The following BRIX1 variants were observed in gnomAD, a reference collection of about 807,000 sequenced individuals.
The protein encoded by BRIX1 is biogenesis of ribosomes BRX1.
In BRIX1, 15 loss-of-function variants were observed where a neutral mutation model predicts 44.0. That is an observed-to-expected ratio of 0.34 (90% confidence interval 0.23 to 0.53). BRIX1 has a LOEUF of 0.53. Ranked by LOEUF, BRIX1 falls within the 20% of genes least tolerant of loss-of-function variation. BRIX1 has a pLI of 0.95. For missense variants in BRIX1, 420 were observed against 432.8 expected (o/e 0.97, Z 0.26); for synonymous variants, 149 against 135.4 (o/e 1.10, Z -0.70).
chr5:34,917,451 G>A (rs1764139858), intron 1 of BRIX1, among the ~76,000 whole-genome samples: 2 of 151,626 alleles, frequency 1.3e-5, no homozygotes, highest in African/African-American at 4.9e-5. Flanking sequence ...GGCCAAGATG[G>A]TGAAACCCCG....
Position 34,918,478 on chromosome 5 carries a change from G to C in BRIX1, c.271+3G>C, listed in dbSNP as rs769246713. Reference sequence around the variant, plus strand: ...GTTGATGCCTCATTCTAAAGCAGGTGCCTTTATATCATATACTTTAGAAAT... The same window carrying C: ...GTTGATGCCTCATTCTAAAGCAGGTCCCTTTATATCATATACTTTAGAAAT... On this transcript the variant is annotated splice_donor_region_variant and intron_variant, in intron 2 of 9. Coordinates refer to ENST00000336767, the MANE Select transcript of BRIX1 (RefSeq NM_018321.4). The C allele has an allele frequency of 3.2e-6, 5 of 1,554,924 alleles. No individual in the cohort carries two copies. In the African/African-American group the frequency reaches 6.9e-5, roughly 22 times the overall value.
chr5:34,920,788 T>A (rs746861289), intron 3 of BRIX1: 4 of 152,142 alleles, frequency 2.6e-5, no homozygotes, highest in Admixed American at 6.5e-5. Flanking sequence ...ACAAACTTCC[T>A]ATTTTTGTGT....
At position 34,923,253 on chromosome 5, in the gene BRIX1, T is replaced by C; in HGVS notation, c.663+19T>C. The stretch of plus-strand genomic sequence containing the variant: ...CTTTCAGGTAAGCTTTACTTGATTT[T>C]TAATTATACCTTTTTTTTAATTGAG... On this transcript the variant is annotated intron_variant, in intron 8 of 9. Coordinates refer to ENST00000336767, the MANE Select transcript of BRIX1 (RefSeq NM_018321.4). 2 of 1,489,850 alleles carry C rather than the reference T, an allele frequency of 1.3e-6. No individual in the cohort carries two copies. The highest frequency in any genetic ancestry group is 1.9e-6 in the Non-Finnish European group (2 of 1,068,060). The allele number at this position is 1,489,850 out of a possible 1,614,324, so 92.3% of individuals were successfully genotyped here. A position where few individuals can be genotyped will look rare whatever the true frequency, so the allele number is the denominator to read the frequency against.
chr5:34,918,966 T>C (rs1321638051), intron 2 of BRIX1: 4 of 151,640 alleles, frequency 2.6e-5, no homozygotes, highest in African/African-American at 9.7e-5. Context: ...GCAAGAACAG[T>C]ATGGCCGGGC....
At position 34,925,321 on chromosome 5, in the gene BRIX1, T is replaced by C; in HGVS notation, c.888T>C (p.Thr296=). ...VQKLRKKEPK[T]LLPHDPTADV... ...AACTGAGAAAGAAAGAGCCGAAGACTCTTCTTCCACATGATCCCACTGCAG... is the reference window on the plus strand; with the variant it reads ...AACTGAGAAAGAAAGAGCCGAAGACCCTTCTTCCACATGATCCCACTGCAG... Residue 296 remains threonine (T), a synonymous_variant, in exon 10 of 10, where the codon ACT becomes ACC. Transcript: ENST00000336767. 1 of 1,613,562 alleles carries C rather than the reference T, an allele frequency of 6.2e-7. No individual in the cohort carries two copies. Among genetic ancestry groups the C allele is most frequent in the South Asian group, 1.1e-5 (1 of 91,066 alleles).
Position 34,922,831 on chromosome 5 carries a change from ATATAGT to A in BRIX1, c.510+65_510+70del, listed in dbSNP as rs753381785. On this transcript the variant is annotated intron_variant, in intron 6 of 9. Transcript: ENST00000336767. ...TATCTGGCATGGTTGTTTTTAGTAGATATAGTTGTGTTATTCAATTTAGTTTCACCC... is the reference window on the plus strand; with the variant it reads ...TATCTGGCATGGTTGTTTTTAGTAGATGTGTTATTCAATTTAGTTTCACCC... The A allele has an allele frequency of 2.4e-5, 35 of 1,453,286 alleles. No individual in the cohort carries two copies. The South Asian group carries it at 3.9e-4, about 16-fold the overall frequency. The allele number at this position is 1,453,286 out of a possible 1,614,324, so 90.0% of individuals were successfully genotyped here. A position where few individuals can be genotyped will look rare whatever the true frequency, so the allele number is the denominator to read the frequency against.
intron 8 of BRIX1, 67 bp downstream of exon 8, chr5:34,923,301 CAG>C (rs1181057054): frequency 7.9e-6 from 10 of 1,269,904 alleles, no homozygotes; most frequent in South Asian, 1.2e-5. Context: ...TGTTTTGAGA[CAG>C]AGTCTCGCTC....
intron 3 of BRIX1, 170 bp downstream of exon 3, chr5:34,920,053 T>C: frequency 2.3e-6 from 1 of 440,078 alleles, no homozygotes; most frequent in South Asian, 2.9e-5. Context: ...CACAGTTTAG[T>C]GCTTCATTCA....
intron 1 of BRIX1, chr5:34,916,163 C>T (rs1764080710): frequency 3.0e-6 from 1 of 336,162 alleles, no homozygotes; most frequent in Non-Finnish European, 5.4e-6. Context: ...ATCCAGCGTT[C>T]TTTCTTACTA....
rs537531976 is a variant in BRIX1, at chr5:34,922,778, T to A, written c.510+10T>A. The A allele has an allele frequency of 6.2e-7, 1 of 1,611,394 alleles. No individual in the cohort carries two copies. Among genetic ancestry groups the A allele is most frequent in the Admixed American group, 1.7e-5 (1 of 60,010 alleles). ...TTTGTCTTTTGACCCTGTAAGTTTC[T>A]CATTCAGTGTATGAGGTCTAATTTT... On this transcript the variant is annotated intron_variant, in intron 6 of 9. Transcript: ENST00000336767.
intron 8 of BRIX1, among the ~76,000 whole-genome samples, chr5:34,924,276 A>G (rs190359063): frequency 6.6e-6 from 1 of 152,378 alleles, no homozygotes; most frequent in Admixed American, 6.5e-5. Context: ...TCTTTTCTGC[A>G]TATTTTATAT....
At chr5:34,918,305 A>C in intron 1 of BRIX1, 59 bp from the exon 2 acceptor site, 2 of 913,612 alleles carry the variant, frequency 2.2e-6, no homozygotes, top group Non-Finnish European at 3.5e-6. Context: ...ACCCTGTCAC[A>C]AAACAAGATC....
At chr5:34,917,093 A>G (rs1764123281) in intron 1 of BRIX1, among the ~76,000 whole-genome samples, 1 of 152,192 alleles carries the variant, frequency 6.6e-6, no homozygotes, top group Non-Finnish European at 1.5e-5. Flanking sequence ...TATCAGAGGA[A>G]GTGTAGAATT....
intron 1 of BRIX1, among the ~76,000 whole-genome samples, chr5:34,917,638 TCAAA>T (rs983031484): frequency 1.1e-4 from 17 of 152,202 alleles, no homozygotes; most frequent in African/African-American, 4.1e-4. Context: ...AGACTCCATC[TCAAA>T]CAAACAAACA....
intron 4 of BRIX1, 37 bp from the exon 5 acceptor site, chr5:34,922,502 G>A: frequency 7.4e-7 from 1 of 1,356,038 alleles, no homozygotes; most frequent in Non-Finnish European, 1.1e-6. Flanking sequence ...GACTACATTT[G>A]CTAATTAGTT....
chr5:34,922,281 A>G lies in BRIX1; in HGVS notation c.380A>G (p.Tyr127Cys), dbSNP rs1207198397. The G allele has an allele frequency of 1.3e-6, 2 of 1,555,194 alleles. No homozygotes were observed. Among genetic ancestry groups the G allele is most frequent in the East Asian group, 2.3e-5 (1 of 44,390 alleles). The change falls in exon 4 of 10, where the codon TAT (tyrosine) becomes TGT (cysteine). Residue 127 changes from tyrosine to cysteine, a missense_variant. Tyr to Cys is a radical substitution (Grantham distance 194). Coordinates refer to ENST00000336767, the MANE Select transcript of BRIX1 (RefSeq NM_018321.4). ...YFEAKKKQDL[Y>C]MWLSNSPHGP... ...GAAGCTAAGAAAAAACAGGATCTCT[A>G]TATGTGGTAAGAGAATGTATTAAGA...
chr5:34,917,758 G>A (rs894914517), intron 1 of BRIX1, among the ~76,000 whole-genome samples: 1 of 152,288 alleles, frequency 6.6e-6, no homozygotes, highest in African/African-American at 2.4e-5. Flanking sequence ...AAGACTCTAA[G>A]TAAGTGCAGT....
At chr5:34,920,560 T>C (rs1764217207) in intron 3 of BRIX1, 1 of 152,182 alleles carries the variant, frequency 6.6e-6, no homozygotes, top group Non-Finnish European at 1.5e-5. Flanking sequence ...TTATGGAACT[T>C]ACATTCTAAT....
rs756800224 is a variant in BRIX1, at chr5:34,925,337, C to T, written c.904C>T (p.Pro302Ser). Residue 302 changes from proline (P) to serine (S), a missense_variant, in exon 10 of 10, where the codon CCC becomes TCC. Coordinates refer to ENST00000336767, the MANE Select transcript of BRIX1 (RefSeq NM_018321.4). ...KEPKTLLPHD[P>S]TADVFVTPAE... ...GCCGAAGACTCTTCTTCCACATGAT[C>T]CCACTGCAGATGTTTTTGTAACACC... The T allele has an allele frequency of 1.9e-6, 3 of 1,613,678 alleles. No homozygotes were observed. The highest frequency in any genetic ancestry group is 1.3e-5 in the African/African-American group (1 of 74,824).
Sources: allele counts gnomAD v4.1 joint callset (sites outside exome capture counted in the v4.1 genomes callset), GRCh38; gene constraint gnomAD v4.1.1; transcripts MANE v1.5; gene names NCBI Gene and HGNC (gene_info 2026-07-23, HGNC 2026-07-21).